The following FOXP2 variants were observed in gnomAD, a reference collection of about 807,000 sequenced individuals.
The protein encoded by FOXP2 is forkhead box protein P2.
A neutral mutation model predicts 115.8 loss-of-function variants in FOXP2; 12 were observed. The observed-to-expected ratio is 0.10, with a 90% CI of 0.07 to 0.17. FOXP2 has a LOEUF of 0.17. Among genes scored for constraint, FOXP2 ranks in the 10% least tolerant of loss-of-function variants. The pLI, the probability that FOXP2 is intolerant of heterozygous loss-of-function variation, is 1.00. For missense variants in FOXP2, 629 were observed against 843.5 expected (o/e 0.75, Z 3.15); for synonymous variants, 328 against 297.7 (o/e 1.10, Z -1.05).
chr7:114,123,257 G>A (rs1191613639), intron 1 of FOXP2, among the ~76,000 whole-genome samples: 1 of 150,566 alleles, frequency 6.6e-6, no homozygotes, highest in Non-Finnish European at 1.5e-5. Flanking sequence ...GGAGCCTGAG[G>A]CAGAAGGATC....
intron 16 of FOXP2, among the ~76,000 whole-genome samples, chr7:114,688,247 AT>A (rs1366656975): frequency 4.9e-4 from 35 of 71,640 alleles, no homozygotes; most frequent in Admixed American, 4.5e-3. Flanking sequence ...ACACACACAC[AT>A]CTTTTTTTTT....
chr7:114,689,708 C>A (rs1008038529), intron 16 of FOXP2, 74 bp from the exon 17 acceptor site: 3 of 1,533,078 alleles, frequency 2.0e-6, no homozygotes, highest in East Asian at 2.3e-5. Flanking sequence ...CAGTTGACCT[C>A]TTCACTGCAA....
At chr7:114,634,080 C>T (rs917438271) in intron 6 of FOXP2, among the ~76,000 whole-genome samples, 5 of 152,048 alleles carry the variant, frequency 3.3e-5, no homozygotes, top group African/African-American at 4.8e-5. Flanking sequence ...CTGCAACCTC[C>T]GCCTTCCCGG....
chr7:114,353,293 C>A (rs1050297508), intron 2 of FOXP2, among the ~76,000 whole-genome samples: 11 of 149,518 alleles, frequency 7.4e-5, no homozygotes, highest in Non-Finnish European at 1.3e-4. Flanking sequence ...CCTCCGATAG[C>A]CCCCTCTTCT....
chr7:114,266,731 C>A (rs1394361742), intron 1 of FOXP2, among the ~76,000 whole-genome samples: 1 of 152,116 alleles, frequency 6.6e-6, no homozygotes, highest in Non-Finnish European at 1.5e-5. Flanking sequence ...TTGCTTAATA[C>A]CTTGAATCAG....
chr7:114,409,737 C>T (rs1434587029), upstream of FOXP2, among the ~76,000 whole-genome samples: 2 of 152,104 alleles, frequency 1.3e-5, no homozygotes, highest in African/African-American at 4.8e-5. Context: ...TGGCTTTTCT[C>T]ATTCCTATCT....
At chr7:114,136,366 A>C (rs2129146261) in intron 1 of FOXP2, among the ~76,000 whole-genome samples, 1 of 152,132 alleles carries the variant, frequency 6.6e-6, no homozygotes, top group South Asian at 2.1e-4. Context: ...TTAACTTTAA[A>C]TGGTCTCAAT....
intron 1 of FOXP2, among the ~76,000 whole-genome samples, chr7:114,182,447 T>G (rs1384154919): frequency 2.0e-5 from 3 of 152,100 alleles, no homozygotes; most frequent in Non-Finnish European, 4.4e-5. Context: ...ATTTAACTAG[T>G]AGGTGAGTTT....
chr7:114,383,998 G>A (rs1035454814), intron 2 of FOXP2, among the ~76,000 whole-genome samples: 3 of 152,156 alleles, frequency 2.0e-5, no homozygotes, highest in East Asian at 1.9e-4. Context: ...AAAGGGGTCC[G>A]GGCTGCTGGA....
chr7:114,261,748 AATAC>A, intron 1 of FOXP2, among the ~76,000 whole-genome samples: 1 of 152,310 alleles, frequency 6.6e-6, no homozygotes, highest in East Asian at 1.9e-4. Context: ...GATAGTATAG[AATAC>A]ATTATCTTCT....
At chr7:114,328,702 T>C (rs1217487509) in intron 2 of FOXP2, among the ~76,000 whole-genome samples, 1 of 152,232 alleles carries the variant, frequency 6.6e-6, no homozygotes, top group African/African-American at 2.4e-5. Context: ...AATCATGTCT[T>C]ATATTCTATT....
chr7:114,363,196 G>C (rs1053100033), intron 2 of FOXP2, among the ~76,000 whole-genome samples: 2 of 152,062 alleles, frequency 1.3e-5, no homozygotes, highest in Non-Finnish European at 2.9e-5. Context: ...CACTTGGTTT[G>C]TTCCTAAAGA....
chr7:114,452,425 A>G (rs1339702134), intron 2 of FOXP2, among the ~76,000 whole-genome samples: 1 of 152,058 alleles, frequency 6.6e-6, no homozygotes, highest in South Asian at 2.1e-4. Flanking sequence ...ACATTTGTAA[A>G]TGCTATTTCT....
intron 1 of FOXP2, among the ~76,000 whole-genome samples, chr7:114,222,004 G>A (rs941199330): frequency 2.0e-5 from 3 of 152,154 alleles, no homozygotes; most frequent in South Asian, 4.1e-4. Flanking sequence ...TATGGAAGAA[G>A]GAGATACACC....
intron 6 of FOXP2, among the ~76,000 whole-genome samples, chr7:114,635,299 C>G (rs77941157): frequency 2.0e-5 from 3 of 152,212 alleles, no homozygotes; most frequent in African/African-American, 7.2e-5. Context: ...AATCAATGAT[C>G]TTGTGATTGC....
chr7:114,486,531 T>C (rs566271077), intron 2 of FOXP2, among the ~76,000 whole-genome samples: 1 of 152,252 alleles, frequency 6.6e-6, no homozygotes, highest in East Asian at 1.9e-4. Flanking sequence ...CCTTCCCAAC[T>C]GTCCCCCAAA....
intron 3 of FOXP2, chr7:114,538,282 A>G: frequency 9.8e-6 from 12 of 1,225,110 alleles, no homozygotes; most frequent in Non-Finnish European, 1.3e-5. Flanking sequence ...AATTTAGTTT[A>G]GATATGAAAA....
chr7:114,533,890 T>C (rs1436011357), intron 2 of FOXP2, among the ~76,000 whole-genome samples: 1 of 151,964 alleles, frequency 6.6e-6, no homozygotes, highest in Non-Finnish European at 1.5e-5. Context: ...CATTAATTTC[T>C]TATGTTAAGT....
At chr7:114,515,441 T>A (rs1299412701) in intron 2 of FOXP2, among the ~76,000 whole-genome samples, 1 of 151,866 alleles carries the variant, frequency 6.6e-6, no homozygotes, top group Non-Finnish European at 1.5e-5. Context: ...CTTATTGTGG[T>A]TTTGATTTGC....
Sources: gnomAD v4.1 joint callset for allele counts (sites outside exome capture counted in the v4.1 genomes callset) on GRCh38, gnomAD v4.1.1 for gene constraint, MANE v1.5 for transcripts, NCBI Gene and HGNC (gene_info 2026-07-23, HGNC 2026-07-21) for gene names.